ITPRID1: variants seen among roughly 807,000 people sequenced by gnomAD.
ITPRID1 encodes the protein protein ITPRID1.
In ITPRID1, 96 loss-of-function variants were observed where a neutral mutation model predicts 95.4. The observed-to-expected ratio is 1.01, with a 90% CI of 0.85 to 1.19. The LOEUF (loss-of-function observed/expected upper bound fraction) is 1.19, where lower values mean the gene tolerates loss of function less well. Among genes scored for constraint, ITPRID1 ranks in the 50% most tolerant of loss-of-function variants. ITPRID1 has a pLI of 0.00. For synonymous variants in ITPRID1, 510 were observed against 453.6 expected, an observed-to-expected ratio of 1.12 and a Z score of -1.58; for missense variants, 1,339 against 1,252.9, an observed-to-expected ratio of 1.07 and a Z score of -1.04.
At chr7:31,592,419 T>C (rs1031840263) in intron 10 of ITPRID1, among the ~76,000 whole-genome samples, 14 of 152,258 alleles carry the variant, frequency 9.2e-5, no homozygotes, top group African/African-American at 3.4e-4. Context: ...AAATCCCTTA[T>C]GTATCAGCTC....
At chr7:31,593,372 A>G (rs1015563588) in intron 10 of ITPRID1, among the ~76,000 whole-genome samples, 1 of 152,202 alleles carries the variant, frequency 6.6e-6, no homozygotes, top group Non-Finnish European at 1.5e-5. Context: ...TTAGCGTCTA[A>G]TATATAAAGG....
intron 5 of ITPRID1, among the ~76,000 whole-genome samples, chr7:31,569,524 C>A (rs1784909178): frequency 6.6e-6 from 1 of 152,202 alleles, no homozygotes; most frequent in Admixed American, 6.5e-5. Flanking sequence ...GCTGAATACT[C>A]CATTTAGCAC....
At chr7:31,624,317 A>G (rs1370496921) in intron 10 of ITPRID1, among the ~76,000 whole-genome samples, 1 of 146,728 alleles carries the variant, frequency 6.8e-6, no homozygotes, top group African/African-American at 2.5e-5. Flanking sequence ...TCACCAAGGC[A>G]ATCCTAAGCC....
At chr7:31,565,212 C>T (rs1784755723) in intron 5 of ITPRID1, among the ~76,000 whole-genome samples, 1 of 152,102 alleles carries the variant, frequency 6.6e-6, no homozygotes, top group Non-Finnish European at 1.5e-5. Context: ...CCTTGGTCTC[C>T]CGGGACCCTG....
chr7:31,554,596 T>C (rs1366524007), intron 4 of ITPRID1, 73 bp downstream of exon 4: 16 of 1,578,996 alleles, frequency 1.0e-5, no homozygotes, highest in Non-Finnish European at 1.4e-5. Flanking sequence ...TGTGTAACTC[T>C]GCCTGGGCAA....
intron 8 of ITPRID1, among the ~76,000 whole-genome samples, chr7:31,577,395 A>T (rs1785223336): frequency 6.6e-6 from 1 of 152,198 alleles, no homozygotes; most frequent in Admixed American, 6.5e-5. Context: ...CTGACTCTAT[A>T]TGCCATGATC....
chr7:31,569,342 T>C (rs1782149895), intron 5 of ITPRID1, among the ~76,000 whole-genome samples: 1 of 152,308 alleles, frequency 6.6e-6, no homozygotes, highest in African/African-American at 2.4e-5. Flanking sequence ...CATCCCTAAA[T>C]GCCCTATGAG....
At chr7:31,628,464 T>C (rs2128189851) in intron 10 of ITPRID1, among the ~76,000 whole-genome samples, 1 of 151,724 alleles carries the variant, frequency 6.6e-6, no homozygotes, top group South Asian at 2.1e-4. Context: ...TTTTTTTCTT[T>C]TTTTTTCTTT....
chr7:31,628,757 G>T (rs38371), intron 10 of ITPRID1, among the ~76,000 whole-genome samples: 59,907 of 151,984 alleles, frequency 0.39, 12,332 homozygotes, highest in Middle Eastern at 0.47. Context: ...CGCCCGGCCT[G>T]AGCGTGATTC....
intron 10 of ITPRID1, among the ~76,000 whole-genome samples, chr7:31,638,664 T>G (rs1789713981): frequency 6.6e-6 from 1 of 152,228 alleles, no homozygotes; most frequent in Non-Finnish European, 1.5e-5. Flanking sequence ...CAATGAGAAA[T>G]CTGCCATCCT....
chr7:31,526,187 T>C (rs1003924174), intron 1 of ITPRID1, among the ~76,000 whole-genome samples: 1 of 152,336 alleles, frequency 6.6e-6, no homozygotes, highest in Admixed American at 6.5e-5. Context: ...GATTCTGATA[T>C]CTCTAAAATA....
At chr7:31,521,690 C>T (rs1235116581) in intron 1 of ITPRID1, among the ~76,000 whole-genome samples, 1 of 123,874 alleles carries the variant, frequency 8.1e-6, no homozygotes, top group African/African-American at 3.2e-5. Context: ...TTCCTTCCTC[C>T]TTTATTCCCT....
At position 31,567,556 on chromosome 7, in the gene ITPRID1, C is replaced by A. The variant is rs970271832; in HGVS notation, c.257-2202C>A. 2.2e-4 allele frequency among the ~76,000 whole-genome samples: 33 copies of A among 149,574 alleles called. 1 individual carries two copies. The highest frequency in any genetic ancestry group is 7.9e-4 in the African/African-American group (32 of 40,714). ...CACTCACTATTTAAACCTTTAAAAT[C>A]GATTCTATTTCTCACCCCGCCTGAC... On this transcript the variant is annotated intron_variant, in intron 5 of 14. Coordinates refer to ENST00000615280, the MANE Select transcript of ITPRID1 (RefSeq NM_001257967.3).
Position 31,651,278 on chromosome 7 carries a change from C to A in ITPRID1, c.2711+9C>A. ...ATGTCAGAGGAGGAAAGGTAATTAC[C>A]TAAGGGAGCCATAAAAGTAAGTACC... On this transcript the variant is annotated intron_variant, in intron 13 of 14. Coordinates refer to ENST00000615280, the MANE Select transcript of ITPRID1 (RefSeq NM_001257967.3). 6.2e-7 allele frequency: 1 copy of A among 1,611,542 alleles called. No individual in the cohort carries two copies. The highest frequency in any genetic ancestry group is 1.1e-5 in the South Asian group (1 of 90,822).
intron 10 of ITPRID1, among the ~76,000 whole-genome samples, chr7:31,593,934 G>A (rs188905427): frequency 2.0e-5 from 3 of 152,258 alleles, no homozygotes; most frequent in African/African-American, 4.8e-5. Flanking sequence ...GAGTTGTTAA[G>A]TGAGAAAAAA....
chr7:31,547,077 T>C (rs1307165690), intron 1 of ITPRID1, among the ~76,000 whole-genome samples: 3 of 149,304 alleles, frequency 2.0e-5, no homozygotes, highest in Non-Finnish European at 3.0e-5. Context: ...CTGCCAAAAA[T>C]TCTGAAATGA....
chr7:31,518,567 G>A (rs1783122112), intron 1 of ITPRID1, among the ~76,000 whole-genome samples: 1 of 152,278 alleles, frequency 6.6e-6, no homozygotes, highest in Admixed American at 6.5e-5. Context: ...CATAAACCAT[G>A]AATTATGATT....
intron 3 of ITPRID1, 35 bp downstream of exon 3, chr7:31,553,222 C>T: frequency 6.5e-7 from 1 of 1,529,522 alleles, no homozygotes; most frequent in Non-Finnish European, 8.8e-7. Context: ...TGAAAACATT[C>T]CTCTGTGAGT....
chr7:31,620,758 G>C (rs542787435), intron 10 of ITPRID1, among the ~76,000 whole-genome samples: 1 of 152,292 alleles, frequency 6.6e-6, no homozygotes, highest in East Asian at 1.9e-4. Context: ...AAGCTGGATG[G>C]AGAATGACTT....
Sources: allele counts gnomAD v4.1 joint callset (sites outside exome capture counted in the v4.1 genomes callset), GRCh38; gene constraint gnomAD v4.1.1; transcripts MANE v1.5; gene names NCBI Gene and HGNC (gene_info 2026-07-23, HGNC 2026-07-21).